Variants in UPRT observed in about 807,000 individuals in gnomAD.
UPRT encodes uracil phosphoribosyltransferase homolog, also known as RP11-311P8.3.
UPRT carries 5 observed loss-of-function variants against 22.6 expected under a neutral mutation model. That is an observed-to-expected ratio of 0.22 (90% CI 0.12 to 0.47). The LOEUF (loss-of-function observed/expected upper bound fraction) is 0.47, where lower values mean the gene tolerates loss of function less well. Among genes scored for constraint, UPRT ranks in the 20% least tolerant of loss-of-function variants. The probability of loss-of-function intolerance (pLI) is 0.99; values close to 1 mark genes in which losing one functional copy is unlikely to be tolerated. For synonymous variants in UPRT, 77 were observed against 87.7 expected, an observed-to-expected ratio of 0.88 and a Z score of 0.68; for missense variants, 181 against 239.9, an observed-to-expected ratio of 0.75 and a Z score of 1.62.
intron 4 of UPRT, among the ~76,000 whole-genome samples, chrX:75,204,052 C>G (rs1201421130): frequency 9.2e-6 from 1 of 108,248 alleles, no homozygotes; most frequent in Non-Finnish European, 1.9e-5. Flanking sequence ...TGATACTGGA[C>G]TTGGTGGAGA....
At chrX:75,246,403 C>T (rs1056501471) in intron 4 of UPRT, among the ~76,000 whole-genome samples, 6 of 109,721 alleles carry the variant, frequency 5.5e-5, no homozygotes, top group African/African-American at 2.0e-4. Flanking sequence ...TGATTTCCAG[C>T]TTCATCCATG....
At chrX:75,264,972 G>A (rs2082582637) in intron 4 of UPRT, among the ~76,000 whole-genome samples, 1 of 111,920 alleles carries the variant, frequency 8.9e-6, no homozygotes, top group African/African-American at 3.3e-5. Flanking sequence ...ATTCTGGGTT[G>A]AAAATTCTTT....
At chrX:75,210,971 G>A (rs1316001851) in intron 4 of UPRT, among the ~76,000 whole-genome samples, 1 of 111,369 alleles carries the variant, frequency 9.0e-6, no homozygotes, top group Non-Finnish European at 1.9e-5. Flanking sequence ...AAAGTAAGGC[G>A]TTCTGTTTTA....
chrX:75,243,913 A>G (rs781357466), intron 4 of UPRT, among the ~76,000 whole-genome samples: 2 of 111,923 alleles, frequency 1.8e-5, no homozygotes, highest in South Asian at 3.7e-4. Context: ...TAGCCATTCA[A>G]TTGTTCCTGC....
chrX:75,229,261 C>A (rs146443519), intron 4 of UPRT, among the ~76,000 whole-genome samples: 2,393 of 111,652 alleles, frequency 0.021, 71 homozygotes, highest in African/African-American at 0.074. Context: ...GTCAAATCAT[C>A]GTGTATACCT....
At chrX:75,192,777 G>C (rs2082320033) in intron 4 of UPRT, among the ~76,000 whole-genome samples, 1 of 111,688 alleles carries the variant, frequency 9.0e-6, no homozygotes, top group South Asian at 3.7e-4. Context: ...AATTAAAATA[G>C]CAACCCCTTC....
At chrX:75,204,425 T>G (rs1459983816) in intron 4 of UPRT, among the ~76,000 whole-genome samples, 1 of 112,679 alleles carries the variant, frequency 8.9e-6, no homozygotes, top group East Asian at 2.8e-4. Context: ...TAAGCTTTTT[T>G]GCCACACAGG....
chrX:75,227,983 T>C (rs905951716), intron 4 of UPRT, among the ~76,000 whole-genome samples: 3 of 112,172 alleles, frequency 2.7e-5, no homozygotes, highest in Non-Finnish European at 5.6e-5. Flanking sequence ...GGCACATTGA[T>C]AGTAAGGTTA....
chrX:75,193,588 G>T lies in UPRT; in HGVS notation c.-447+25709G>T, dbSNP rs148439550. On this transcript the variant is annotated intron_variant, in intron 4 of 13. Transcript: ENST00000652605. Reference sequence around the variant, plus strand: ...GTTTCTCTCCCTCTCAGGTATGCCAGTGAGTCATAGATTGGGTCTCTTTAC... The same window carrying T: ...GTTTCTCTCCCTCTCAGGTATGCCATTGAGTCATAGATTGGGTCTCTTTAC... 5.2e-3 allele frequency among the ~76,000 whole-genome samples: 581 copies of T among 111,707 alleles called. 7 individuals are homozygous for T. The highest frequency in any genetic ancestry group is 0.018 in the African/African-American group (550 of 30,824).
intron 4 of UPRT, among the ~76,000 whole-genome samples, chrX:75,232,362 G>A (rs1299261196): frequency 3.9e-4 from 44 of 112,776 alleles, no homozygotes; most frequent in Non-Finnish European, 6.0e-4. Flanking sequence ...GAGGCTGGGG[G>A]AGGGGCGCCT....
intron 4 of UPRT, among the ~76,000 whole-genome samples, chrX:75,251,303 C>T (rs2082528656): frequency 9.0e-6 from 1 of 111,354 alleles, no homozygotes; most frequent in Admixed American, 9.6e-5. Flanking sequence ...GATTGTATAT[C>T]TAGAAAACCC....
intron 4 of UPRT, among the ~76,000 whole-genome samples, chrX:75,180,859 A>G (rs1004387160): frequency 1.8e-5 from 2 of 109,063 alleles, no homozygotes; most frequent in East Asian, 5.7e-4. Flanking sequence ...GAAGCTCTTT[A>G]GTTTACTTCA....
intron 1 of UPRT, 142 bp downstream of exon 1, chrX:75,274,782 G>A (rs2082624997): frequency 1.3e-5 from 1 of 75,731 alleles, no homozygotes; most frequent in African/African-American, 5.7e-5. Flanking sequence ...TTTGGTGTGT[G>A]TGTGTGTGTG....
intron 4 of UPRT, among the ~76,000 whole-genome samples, chrX:75,257,629 A>C (rs2082553458): frequency 8.9e-6 from 1 of 111,988 alleles, no homozygotes; most frequent in African/African-American, 3.2e-5. Flanking sequence ...AAGTTTCTCC[A>C]GAAAGCTCCT....
At chrX:75,199,616 G>C (rs1234807231) in intron 4 of UPRT, among the ~76,000 whole-genome samples, 1 of 111,280 alleles carries the variant, frequency 9.0e-6, no homozygotes, top group Admixed American at 9.5e-5. Flanking sequence ...TACAGGGAAA[G>C]ACTCCTTCTG....
chrX:75,211,222 G>A (rs1443655477), intron 4 of UPRT, among the ~76,000 whole-genome samples: 3 of 111,052 alleles, frequency 2.7e-5, no homozygotes, highest in African/African-American at 9.8e-5. Flanking sequence ...CCAAAGGAAA[G>A]TGAGTACCCT....
At chrX:75,251,740 G>T (rs2082530821) in intron 4 of UPRT, among the ~76,000 whole-genome samples, 1 of 111,365 alleles carries the variant, frequency 9.0e-6, no homozygotes, top group Admixed American at 9.6e-5. Flanking sequence ...CCAAAAAAGA[G>T]CCTGCATCAC....
At chrX:75,237,310 A>G (rs2082470154) in intron 4 of UPRT, among the ~76,000 whole-genome samples, 2 of 111,825 alleles carry the variant, frequency 1.8e-5, no homozygotes, top group African/African-American at 6.5e-5. Context: ...CAGGTGTTGG[A>G]GAGGATGTGG....
intron 5 of UPRT, 53 bp from the exon 6 acceptor site, chrX:75,300,814 T>G: frequency 9.9e-7 from 1 of 1,005,281 alleles, no homozygotes; most frequent in Non-Finnish European, 1.4e-6. Context: ...AAAAAAGACA[T>G]TTAAAAATGA....
Sources: gnomAD v4.1 joint callset for allele counts (sites outside exome capture counted in the v4.1 genomes callset) on GRCh38, gnomAD v4.1.1 for gene constraint, MANE v1.5 for transcripts, NCBI Gene and HGNC (gene_info 2026-07-23, HGNC 2026-07-21) for gene names.